The following ANXA4 variants were observed in gnomAD, a reference collection of about 807,000 sequenced individuals.
The protein encoded by ANXA4 is annexin A4.
ANXA4 carries 39 observed loss-of-function variants against 49.8 expected under a neutral mutation model. That is an observed-to-expected ratio of 0.78 (90% CI 0.61 to 1.02). ANXA4 has a LOEUF of 1.02. ANXA4 is among the 50% of genes least tolerant of loss of function. The pLI is 0.00. For synonymous variants in ANXA4, 134 were observed against 152.5 expected (o/e 0.88, Z 0.89); for missense variants, 360 against 410.1 (o/e 0.88, Z 1.05).
At chr2:69,726,193 A>G (rs905208040) in intron 3 of ANXA4, among the ~76,000 whole-genome samples, 1 of 152,090 alleles carries the variant, frequency 6.6e-6, no homozygotes, top group African/African-American at 2.4e-5. Context: ...AGTTCATGAG[A>G]TCTGATAGTT....
At chr2:69,705,844 A>G (rs1445338721) in intron 2 of ANXA4, among the ~76,000 whole-genome samples, 8 of 152,300 alleles carry the variant, frequency 5.3e-5, no homozygotes, top group Non-Finnish European at 2.9e-5. Flanking sequence ...AGGCAGGACA[A>G]TCGCTTGAAT....
upstream of ANXA4, chr2:69,741,867 CA>C (rs1008278100): frequency 1.4e-4 from 22 of 152,642 alleles, no homozygotes; most frequent in Non-Finnish European, 2.8e-4. Context: ...GGACACTGTC[CA>C]ATCCGGGCAG....
chr2:69,806,522 C>T (rs1035020726), intron 5 of ANXA4, 24 bp downstream of exon 5: 1 of 1,585,876 alleles, frequency 6.3e-7, no homozygotes, highest in South Asian at 1.1e-5. Flanking sequence ...CTCTCGTGCT[C>T]TTGGTGCTGT....
At chr2:69,651,833 G>GGA (rs1274574232) in intron 1 of ANXA4, among the ~76,000 whole-genome samples, 1 of 44,956 alleles carries the variant, frequency 2.2e-5, no homozygotes, top group Non-Finnish European at 4.6e-5. Context: ...GGGGGGGCGG[G>GGA]GAGACAGAGT....
At chr2:69,656,949 G>A (rs12478160) in intron 2 of ANXA4, among the ~76,000 whole-genome samples, 76,543 of 151,500 alleles carry the variant, frequency 0.51, 21,462 homozygotes, top group East Asian at 0.81. Context: ...TACACTGTGA[G>A]CTATTATAGT....
At chr2:69,661,002 A>C (rs553410245) in intron 2 of ANXA4, among the ~76,000 whole-genome samples, 2 of 152,300 alleles carry the variant, frequency 1.3e-5, no homozygotes, top group South Asian at 4.1e-4. Context: ...ACATTTACTG[A>C]CAAAGACATA....
At chr2:69,757,693 T>C (rs1671118734) in intron 1 of ANXA4, among the ~76,000 whole-genome samples, 1 of 151,620 alleles carries the variant, frequency 6.6e-6, no homozygotes, top group Non-Finnish European at 1.5e-5. Context: ...GTGGGGTGGC[T>C]CACGCCTGTA....
chr2:69,707,392 A>T (rs1310692211), intron 2 of ANXA4, among the ~76,000 whole-genome samples: 4 of 152,192 alleles, frequency 2.6e-5, no homozygotes, highest in South Asian at 4.1e-4. Context: ...CCAGGTCAAG[A>T]AATACAAAAT....
At chr2:69,771,311 C>T (rs973597675) in intron 1 of ANXA4, among the ~76,000 whole-genome samples, 5 of 152,058 alleles carry the variant, frequency 3.3e-5, no homozygotes, top group East Asian at 1.9e-4. Context: ...TCACCCTTTC[C>T]GTAGGACAGG....
At chr2:69,654,554 T>A (rs59131493) in intron 2 of ANXA4, among the ~76,000 whole-genome samples, 9,801 of 152,282 alleles carry the variant, frequency 0.064, 1,029 homozygotes, top group East Asian at 0.36. Context: ...ATGTAGTTTT[T>A]GTCATTGGTT....
At chr2:69,739,873 C>T (rs576472203), upstream of ANXA4, among the ~76,000 whole-genome samples, 20 of 152,098 alleles carry the variant, frequency 1.3e-4, no homozygotes, top group Non-Finnish European at 2.2e-4. Flanking sequence ...GGGAAGCCTC[C>T]GAGTAAGTGA....
At chr2:69,673,621 G>A (rs1240678792) in intron 2 of ANXA4, among the ~76,000 whole-genome samples, 1 of 150,820 alleles carries the variant, frequency 6.6e-6, no homozygotes, top group East Asian at 2.0e-4. Flanking sequence ...AAACCTGCAC[G>A]TTCTGCACAT....
chr2:69,674,674 G>T, intron 2 of ANXA4, among the ~76,000 whole-genome samples: 1 of 152,072 alleles, frequency 6.6e-6, no homozygotes, highest in East Asian at 1.9e-4. Context: ...GGAGGAAAAA[G>T]AAACACTTTT....
upstream of ANXA4, among the ~76,000 whole-genome samples, chr2:69,644,165 T>TTCGCGCCCCCCCCCCCCCCCCCC (rs1553424953): frequency 9.5e-5 from 2 of 21,116 alleles, no homozygotes; most frequent in African/African-American, 3.4e-4. Flanking sequence ...ACAACTAAGT[T>TTCGCGCCCCCCCCCCCCCCCCCC]CCCCCCCCCC....
At chr2:69,676,635 CTATAATCCCAGTACT>C (rs1430840079) in intron 2 of ANXA4, among the ~76,000 whole-genome samples, 8 of 152,296 alleles carry the variant, frequency 5.3e-5, no homozygotes, top group African/African-American at 1.9e-4. Flanking sequence ...TGGCGCACAC[CTATAATCCCAGTACT>C]TTGGGAGGCC....
chr2:69,680,209 G>T (rs751487319), intron 2 of ANXA4, among the ~76,000 whole-genome samples: 1 of 152,018 alleles, frequency 6.6e-6, no homozygotes, highest in Non-Finnish European at 1.5e-5. Context: ...TTCCCTTATA[G>T]AAGTCTTTCA....
intron 12 of ANXA4, among the ~76,000 whole-genome samples, chr2:69,823,652 T>G (rs1410605440): frequency 6.6e-6 from 1 of 152,114 alleles, no homozygotes; most frequent in Non-Finnish European, 1.5e-5. Context: ...AGGCAACAAT[T>G]CACAGCAAAG....
chr2:69,732,902 T>C (rs1356550172), intron 3 of ANXA4, among the ~76,000 whole-genome samples: 2 of 152,242 alleles, frequency 1.3e-5, no homozygotes, highest in Non-Finnish European at 2.9e-5. Context: ...GAGCAAGCTG[T>C]GGGTGCCACC....
At chr2:69,647,894 G>A (rs1676071639) in intron 1 of ANXA4, among the ~76,000 whole-genome samples, 1 of 152,114 alleles carries the variant, frequency 6.6e-6, no homozygotes. Flanking sequence ...TGCCTACAAA[G>A]TAGACAGTAT....
Sources: gnomAD v4.1 joint callset for allele counts (sites outside exome capture counted in the v4.1 genomes callset) on GRCh38, gnomAD v4.1.1 for gene constraint, MANE v1.5 for transcripts, NCBI Gene and HGNC (gene_info 2026-07-23, HGNC 2026-07-21) for gene names.